Variants in HS1BP3 observed in about 807,000 individuals in gnomAD.
HS1BP3 encodes HCLS1 binding protein 3.
Under a neutral mutation model 33.5 loss-of-function variants are expected in HS1BP3, and 32 were observed. The observed-to-expected ratio is 0.95, with a 90% confidence interval of 0.72 to 1.28. The LOEUF (loss-of-function observed/expected upper bound fraction) is 1.28. Ranked by LOEUF, HS1BP3 falls within the 50% of genes most tolerant of loss-of-function variation. The pLI is 0.00. For synonymous variants in HS1BP3, 187 were observed against 209.2 expected (o/e 0.89, Z 0.92); for missense variants, 486 against 502.3 (o/e 0.97, Z 0.31).
intron 5 of HS1BP3, among the ~76,000 whole-genome samples, chr2:20,565,973 G>T (rs1385123862): frequency 6.6e-6 from 1 of 152,218 alleles, no homozygotes; most frequent in Non-Finnish European, 1.5e-5. Context: ...CATACGCATT[G>T]CTTCCTGGTA....
intron 5 of HS1BP3, among the ~76,000 whole-genome samples, chr2:20,569,125 C>T (rs975747759): frequency 2.0e-5 from 3 of 152,200 alleles, no homozygotes; most frequent in African/African-American, 2.4e-5. Flanking sequence ...GCCTTGTTCC[C>T]GGGTAGCCAA....
At chr2:20,598,481 C>A (rs559868482) in intron 2 of HS1BP3, among the ~76,000 whole-genome samples, 4 of 150,092 alleles carry the variant, frequency 2.7e-5, no homozygotes, top group East Asian at 4.0e-4. Flanking sequence ...GCTTTACTGG[C>A]CTGCTGCTCA....
At chr2:20,615,567 A>T (rs1419002141), downstream of HS1BP3, among the ~76,000 whole-genome samples, 1 of 152,242 alleles carries the variant, frequency 6.6e-6, no homozygotes, top group African/African-American at 2.4e-5. Flanking sequence ...GTGAACCCAC[A>T]TGAAGCCAAT....
intron 4 of HS1BP3, among the ~76,000 whole-genome samples, chr2:20,628,070 C>T (rs1281969970): frequency 6.6e-6 from 1 of 152,266 alleles, no homozygotes; most frequent in South Asian, 2.1e-4. Context: ...GCCCTATGTG[C>T]GAAAGCCCCT....
intron 5 of HS1BP3, among the ~76,000 whole-genome samples, chr2:20,561,823 A>T (rs1406407133): frequency 6.6e-6 from 1 of 152,124 alleles, no homozygotes; most frequent in Non-Finnish European, 1.5e-5. Context: ...CTGGTGACTC[A>T]TGACTTGGGG....
At chr2:20,638,377 G>A (rs771814865) in intron 4 of HS1BP3, 59 bp downstream of exon 4, 12 of 1,498,252 alleles carry the variant, frequency 8.0e-6, no homozygotes, top group African/African-American at 5.5e-5. Flanking sequence ...GAAGGGGGAC[G>A]TCATCTCCAG....
intron 5 of HS1BP3, among the ~76,000 whole-genome samples, chr2:20,585,429 A>C (rs989827791): frequency 9.9e-5 from 15 of 152,218 alleles, no homozygotes; most frequent in South Asian, 2.1e-4. Flanking sequence ...CTCTACAAGC[A>C]TAACTGAATC....
At chr2:20,624,970 C>T in intron 4 of HS1BP3, 78 bp from the exon 5 acceptor site, 2 of 1,536,246 alleles carry the variant, frequency 1.3e-6, no homozygotes, top group South Asian at 2.3e-5. Flanking sequence ...GACACAGGCG[C>T]TGGGCCCTGC....
At position 20,626,703 on chromosome 2, in the gene HS1BP3, A is replaced by G. The variant is rs1694796284; in HGVS notation, c.624-1811T>C. ...GTGCTTTCTCCACCCAGCTCAGGCC[A>G]TGAGGGACCTCCTCTGCTGTGCACC... is the stretch of plus-strand genomic sequence containing the variant. On this transcript the variant is annotated intron_variant, in intron 4 of 6. Coordinates refer to ENST00000304031, the MANE Select transcript of HS1BP3 (RefSeq NM_022460.4). Among the ~76,000 whole-genome samples, 4 of 152,106 alleles carry G rather than the reference A, an allele frequency of 2.6e-5. No individual in the cohort carries two copies. The South Asian group carries it at 8.3e-4, about 32-fold the overall frequency.
In HS1BP3 at chr2:20,586,431, G is replaced by C. The variant is rs530747554; in HGVS notation, c.303-25916C>G. On this transcript the variant is annotated intron_variant, in intron 5 of 5. Transcript: ENST00000446825. ...CCACCCCAATACACCGTCCTCTGGG[G>C]AGGAAGAAATAAAAGCAAGCGCATT... 5.9e-5 allele frequency: 9 copies of C among 152,312 alleles called. No individual in the cohort carries two copies. The South Asian group carries it at 1.9e-3, about 32-fold the overall frequency. The allele number at this position is 152,312 out of a possible 1,614,324, so 9.4% of individuals were successfully genotyped here.
intron 5 of HS1BP3, among the ~76,000 whole-genome samples, chr2:20,574,808 A>G (rs1693360833): frequency 6.6e-6 from 1 of 152,130 alleles, no homozygotes; most frequent in African/African-American, 2.4e-5. Context: ...CTGTCCCTGG[A>G]TCAGGGCAGC....
chr2:20,607,937 T>TA (rs1327450654), intron 2 of HS1BP3, among the ~76,000 whole-genome samples: 1 of 152,238 alleles, frequency 6.6e-6, no homozygotes, highest in Admixed American at 6.5e-5. Flanking sequence ...TCAGCGGTGT[T>TA]ACATAGTTTT....
At chr2:20,561,909 C>G (rs1262691994) in intron 5 of HS1BP3, among the ~76,000 whole-genome samples, 3 of 152,102 alleles carry the variant, frequency 2.0e-5, no homozygotes, top group Admixed American at 2.0e-4. Context: ...GACTTCTAAC[C>G]CTAGCGCCCA....
At chr2:20,619,375 C>T (rs1228515834) in intron 6 of HS1BP3, 130 bp from the exon 7 acceptor site, 3 of 769,286 alleles carry the variant, frequency 3.9e-6, no homozygotes, top group Non-Finnish European at 6.2e-6. Flanking sequence ...CAGGTCAAGG[C>T]CCCGCCCTGC....
Position 20,585,125 on chromosome 2 carries a change from G to A in HS1BP3, c.303-24610C>T, listed in dbSNP as rs146914676. 9.3e-3 allele frequency among the ~76,000 whole-genome samples: 1,409 copies of A among 152,288 alleles called. 25 individuals carry two copies. Among genetic ancestry groups the A allele is most frequent in the African/African-American group, 0.031 (1,301 of 41,564 alleles). ...AGGCTGTGGCTGCCACCTCAGAGCC[G>A]TGGCTGAGGAGCTCAGCCCCTCCTC... On this transcript the variant is annotated intron_variant, in intron 5 of 5. Transcript: ENST00000446825.
At chr2:20,625,577 T>C (rs1171135202) in intron 4 of HS1BP3, among the ~76,000 whole-genome samples, 1 of 152,270 alleles carries the variant, frequency 6.6e-6, no homozygotes, top group African/African-American at 2.4e-5. Flanking sequence ...ACCATTGTTC[T>C]AGTTAACACT....
At chr2:20,577,989 T>G (rs1171121177) in intron 5 of HS1BP3, among the ~76,000 whole-genome samples, 2 of 152,210 alleles carry the variant, frequency 1.3e-5, no homozygotes, top group Non-Finnish European at 1.5e-5. Context: ...CTGAGTAGGT[T>G]GTGGCCAGGG....
downstream of HS1BP3, among the ~76,000 whole-genome samples, chr2:20,614,793 T>C (rs78014567): frequency 1.6e-3 from 249 of 152,378 alleles, 5 homozygotes; most frequent in East Asian, 0.042. Context: ...AAGAGTCGGC[T>C]TACCGAGGCC....
chr2:20,556,290 C>T (rs1243652739), downstream of HS1BP3, among the ~76,000 whole-genome samples: 1 of 152,068 alleles, frequency 6.6e-6, no homozygotes. Flanking sequence ...TTTAGTTATC[C>T]TTATAACATT....
Sources: gnomAD v4.1 joint callset for allele counts (sites outside exome capture counted in the v4.1 genomes callset) on GRCh38, gnomAD v4.1.1 for gene constraint, MANE v1.5 for transcripts, NCBI Gene and HGNC (gene_info 2026-07-23, HGNC 2026-07-21) for gene names.